The following CHD1L variants were observed in gnomAD, a reference collection of about 807,000 sequenced individuals.
The protein encoded by CHD1L is chromodomain helicase DNA binding protein 1 like.
CHD1L carries 118 observed loss-of-function variants against 115.9 expected under a neutral mutation model. The ratio of observed to expected loss-of-function variants is 1.02; its 90% confidence interval spans 0.88 to 1.19. The LOEUF (loss-of-function observed/expected upper bound fraction) is 1.19, where lower values mean the gene tolerates loss of function less well. Ranked by LOEUF, CHD1L falls within the 50% of genes most tolerant of loss-of-function variation. The probability of loss-of-function intolerance (pLI) is 0.00; values close to 1 mark genes in which losing one functional copy is unlikely to be tolerated. For synonymous variants in CHD1L, 411 were observed against 387.1 expected (o/e 1.06, Z -0.72); for missense variants, 1,179 against 1,065.3 (o/e 1.11, Z -1.49).
At chr1:147,256,738 T>C (rs1553940822) in intron 5 of CHD1L, among the ~76,000 whole-genome samples, 176 bp downstream of exon 5, 1 of 152,216 alleles carries the variant, frequency 6.6e-6, no homozygotes, top group Non-Finnish European at 1.5e-5. Context: ...ACTCATTAGC[T>C]GTGTGTCCTT....
chr1:147,261,086 A>G (rs1475865657), intron 6 of CHD1L: 1 of 152,220 alleles, frequency 6.6e-6, no homozygotes, highest in East Asian at 1.9e-4. Context: ...TAATGTAGAT[A>G]CGATCACTGT....
chr1:147,173,902 T>A, the CHD1L span, among the ~76,000 whole-genome samples: 1 of 152,364 alleles, frequency 6.6e-6, no homozygotes, highest in South Asian at 2.1e-4. Flanking sequence ...GGCTTTTGCA[T>A]TTGCGGAATG....
chr1:147,220,282 G>A, the CHD1L span, among the ~76,000 whole-genome samples: 1 of 152,200 alleles, frequency 6.6e-6, no homozygotes, highest in Admixed American at 6.5e-5. Flanking sequence ...AGAAAACACA[G>A]ATGAAGAAAG....
At chr1:147,213,725 T>C in the CHD1L span, among the ~76,000 whole-genome samples, 8 of 152,254 alleles carry the variant, frequency 5.3e-5, 2 homozygotes, top group South Asian at 1.7e-3. Flanking sequence ...AGTCACCAGG[T>C]CTCTTGGTCC....
At chr1:147,204,274 C>T in the CHD1L span, 1 of 1,010,244 alleles carries the variant, frequency 9.9e-7, no homozygotes, top group East Asian at 2.4e-5. Context: ...AAAAACCATG[C>T]CATGCAATAC....
In CHD1L at chr1:147,267,416, T is replaced by A. The variant is rs149171266; in HGVS notation, c.896-10T>A. On this transcript the variant is annotated splice_polypyrimidine_tract_variant and intron_variant, in intron 8 of 22. Coordinates refer to ENST00000369258, the MANE Select transcript of CHD1L (RefSeq NM_004284.6). ...CTCTTTCTGTCTCTCTCTTTTTTTT[T>A]AAATTTCAGATGCATTTGAAAATGA... The A allele has an allele frequency of 4.5e-4, 715 of 1,604,638 alleles. 7 individuals are homozygous for A. The East Asian group carries it at 7.7e-3, about 17-fold the overall frequency.
chr1:147,255,090 C>T (rs1553939110), intron 3 of CHD1L, 114 bp downstream of exon 3: 1 of 722,526 alleles, frequency 1.4e-6, no homozygotes, highest in Non-Finnish European at 2.2e-6. Flanking sequence ...AAGTTTATTC[C>T]AGAAAACTTT....
intron 21 of CHD1L, among the ~76,000 whole-genome samples, 154 bp from the exon 22 acceptor site, chr1:147,294,255 T>C (rs1553973996): frequency 6.9e-6 from 1 of 145,136 alleles, no homozygotes; most frequent in African/African-American, 2.4e-5. Context: ...AATAATTTAA[T>C]TTTTCTTACT....
At chr1:147,208,821 C>G in the CHD1L span, 3 of 1,586,110 alleles carry the variant, frequency 1.9e-6, no homozygotes, top group Middle Eastern at 1.7e-4. Flanking sequence ...GCTTTGGCCA[C>G]TATCCCTGCA....
chr1:147,173,007 G>A, the CHD1L span: 1 of 152,476 alleles, frequency 6.6e-6, no homozygotes, highest in Non-Finnish European at 1.5e-5. Context: ...ATTGCTGGAG[G>A]TTAAAACTGT....
chr1:147,197,287 A>T, the CHD1L span, among the ~76,000 whole-genome samples: 1 of 152,132 alleles, frequency 6.6e-6, no homozygotes, highest in African/African-American at 2.4e-5. Context: ...TGTAGGGAGA[A>T]TTGGGTACTT....
At chr1:147,241,366 C>A (rs1339287253), upstream of CHD1L, among the ~76,000 whole-genome samples, 1 of 152,110 alleles carries the variant, frequency 6.6e-6, no homozygotes, top group Non-Finnish European at 1.5e-5. Flanking sequence ...CATCCTGGCT[C>A]AAAAAGCTCC....
At chr1:147,284,301 T>C (rs782047150) in intron 15 of CHD1L, 50 bp from the exon 16 acceptor site, 7 of 1,421,434 alleles carry the variant, frequency 4.9e-6, no homozygotes, top group East Asian at 2.4e-5. Flanking sequence ...AGCATTAATC[T>C]ATTTTTCCTT....
At chr1:147,285,275 C>G in intron 16 of CHD1L, 49 bp from the exon 17 acceptor site, 1 of 1,577,272 alleles carries the variant, frequency 6.3e-7, no homozygotes, top group Non-Finnish European at 8.6e-7. Flanking sequence ...TAATGAAATT[C>G]GGGGAGGAAT....
the CHD1L span, among the ~76,000 whole-genome samples, chr1:147,195,322 G>A: frequency 2.6e-4 from 39 of 151,792 alleles, no homozygotes; most frequent in African/African-American, 9.2e-4. Flanking sequence ...TAGTAGAGAC[G>A]AGGTTTCACC....
At chr1:147,207,724 C>T in the CHD1L span, among the ~76,000 whole-genome samples, 8,488 of 152,232 alleles carry the variant, frequency 0.056, 265 homozygotes, top group African/African-American at 0.092. Flanking sequence ...AACCCTGGTT[C>T]CGGGAATACC....
chr1:147,242,540 G>C, upstream of CHD1L: 1 of 665,848 alleles, frequency 1.5e-6, no homozygotes, highest in Non-Finnish European at 2.1e-6. Context: ...CTGTCCGGAA[G>C]GGTGACTGCA....
intron 1 of CHD1L, among the ~76,000 whole-genome samples, chr1:147,250,622 C>T (rs1553935992): frequency 6.6e-6 from 1 of 152,158 alleles, no homozygotes; most frequent in African/African-American, 2.4e-5. Flanking sequence ...TCTCTTATAC[C>T]ATCCTGGCTG....
chr1:147,275,289 T>G (rs1677916987), intron 12 of CHD1L, 65 bp from the exon 13 acceptor site: 6 of 1,208,924 alleles, frequency 5.0e-6, no homozygotes, highest in Middle Eastern at 1.9e-4. Context: ...ACTCTAGCCT[T>G]GTGCTTATTT....
Sources: allele counts gnomAD v4.1 joint callset (sites outside exome capture counted in the v4.1 genomes callset), GRCh38; gene constraint gnomAD v4.1.1; transcripts MANE v1.5; gene names NCBI Gene and HGNC (gene_info 2026-07-23, HGNC 2026-07-21).